ITGA1: variants seen among roughly 807,000 people sequenced by gnomAD.
ITGA1 encodes the protein integrin alpha-1.
ITGA1 carries 85 observed loss-of-function variants against 145.9 expected under a neutral mutation model. That is an observed-to-expected ratio of 0.58 (90% confidence interval 0.49 to 0.70). The LOEUF is 0.70. Ranked by LOEUF, ITGA1 falls within the 30% of genes least tolerant of loss-of-function variation. ITGA1 has a pLI of 0.00. For missense variants in ITGA1, 1,351 were observed against 1,418.7 expected (o/e 0.95, Z 0.77); for synonymous variants, 520 against 495.3 (o/e 1.05, Z -0.66).
At chr5:52,867,733 AACCTCAATTT>A (rs1461613318) in intron 6 of ITGA1, among the ~76,000 whole-genome samples, 1 of 152,014 alleles carries the variant, frequency 6.6e-6, no homozygotes, top group East Asian at 1.9e-4. Context: ...TTTGGCCCCC[AACCTCAATTT>A]ATGAAGGAGA....
intron 12 of ITGA1, among the ~76,000 whole-genome samples, chr5:52,907,021 A>T (rs1401714979): frequency 6.6e-6 from 1 of 152,170 alleles, no homozygotes; most frequent in Non-Finnish European, 1.5e-5. Context: ...AAAATATGTC[A>T]TCTTCATCAG....
intron 11 of ITGA1, among the ~76,000 whole-genome samples, chr5:52,899,709 A>T (rs1421027614): frequency 6.6e-6 from 1 of 152,226 alleles, no homozygotes; most frequent in Non-Finnish European, 1.5e-5. Context: ...TTAGAAAACA[A>T]AGTGTGCATT....
chr5:52,908,775 CTTTCA>C, intron 12 of ITGA1, 118 bp from the exon 13 acceptor site: 1 of 1,012,582 alleles, frequency 9.9e-7, no homozygotes. Flanking sequence ...CAATTTTTAT[CTTTCA>C]TTTCCTTTGC....
chr5:52,885,190 T>C (rs1750028431), intron 7 of ITGA1, among the ~76,000 whole-genome samples: 1 of 152,130 alleles, frequency 6.6e-6, no homozygotes, highest in African/African-American at 2.4e-5. Flanking sequence ...CTGGAAACTT[T>C]CTGAACCCCG....
At chr5:52,866,242 C>T (rs868016027) in intron 6 of ITGA1, among the ~76,000 whole-genome samples, 1 of 152,224 alleles carries the variant, frequency 6.6e-6, no homozygotes, top group South Asian at 2.1e-4. Flanking sequence ...TCTCAAACTC[C>T]TAGCCTCTGG....
At chr5:52,950,405 A>G (rs145414038) in intron 28 of ITGA1, among the ~76,000 whole-genome samples, 1 of 152,312 alleles carries the variant, frequency 6.6e-6, no homozygotes, top group East Asian at 1.9e-4. Flanking sequence ...GAATTTATTC[A>G]TTCAGCAATT....
intron 1 of ITGA1, among the ~76,000 whole-genome samples, chr5:52,813,417 A>G (rs2111689447): frequency 6.6e-6 from 1 of 152,344 alleles, no homozygotes; most frequent in South Asian, 2.1e-4. Flanking sequence ...AACAGACTAC[A>G]ATTATCTTAC....
chr5:52,819,454 AGTGTCT>A (rs1748832293), intron 1 of ITGA1, among the ~76,000 whole-genome samples: 1 of 152,170 alleles, frequency 6.6e-6, no homozygotes, highest in Admixed American at 6.5e-5. Context: ...TCTTTTGAGA[AGTGTCT>A]GTTCATATCC....
At chr5:52,834,364 G>T (rs572392849) in intron 1 of ITGA1, among the ~76,000 whole-genome samples, 2 of 152,042 alleles carry the variant, frequency 1.3e-5, no homozygotes, top group South Asian at 2.1e-4. Context: ...TTCCCTTCCT[G>T]TCTTGTAAAT....
intron 6 of ITGA1, among the ~76,000 whole-genome samples, chr5:52,870,646 T>C (rs1291713767): frequency 6.6e-6 from 1 of 152,162 alleles, no homozygotes; most frequent in Non-Finnish European, 1.5e-5. Flanking sequence ...GGAGCAGAGG[T>C]CACTGCACTG....
intron 2 of ITGA1, among the ~76,000 whole-genome samples, chr5:52,857,216 C>T (rs1393247037): frequency 6.6e-6 from 1 of 152,074 alleles, no homozygotes; most frequent in African/African-American, 2.4e-5. Flanking sequence ...TCCAAACCAT[C>T]GACCACCCTT....
At position 52,952,687 on chromosome 5, in the gene ITGA1, C is replaced by A; in HGVS notation, c.*236C>A. 4.5e-6 allele frequency: 1 copy of A among 219,958 alleles called. No individual in the cohort carries two copies. The highest frequency in any genetic ancestry group is 9.1e-6 in the Non-Finnish European group (1 of 109,644). 13.6% of individuals were successfully genotyped at this position (219,958 alleles called of 1,614,324 possible). ...TAATTACTCATTTTTGTTGAGTAAG[C>A]AAAATTACAAAGTGTTTTTAAAAAA... is the stretch of plus-strand genomic sequence containing the variant. On this transcript the variant is annotated 3_prime_UTR_variant, in exon 29 of 29. Coordinates refer to ENST00000282588, the MANE Select transcript of ITGA1 (RefSeq NM_181501.2).
At chr5:52,888,101 G>A (rs1338558330) in intron 8 of ITGA1, 136 bp downstream of exon 8, 1 of 803,714 alleles carries the variant, frequency 1.2e-6, no homozygotes, top group African/African-American at 1.7e-5. Context: ...AGCCCTGGGA[G>A]GACAGACTTG....
chr5:52,852,834 A>G (rs922741013), intron 2 of ITGA1, among the ~76,000 whole-genome samples: 2 of 152,180 alleles, frequency 1.3e-5, no homozygotes, highest in Admixed American at 1.3e-4. Context: ...GAACAACTAA[A>G]TCTAGTTTAA....
chr5:52,814,586 A>T (rs1748735536), intron 1 of ITGA1, among the ~76,000 whole-genome samples: 1 of 152,168 alleles, frequency 6.6e-6, no homozygotes, highest in African/African-American at 2.4e-5. Context: ...GTAATACAAA[A>T]TTATTTTTCC....
At chr5:52,858,468 A>C (rs564776327) in intron 2 of ITGA1, among the ~76,000 whole-genome samples, 28 of 152,360 alleles carry the variant, frequency 1.8e-4, no homozygotes, top group African/African-American at 6.5e-4. Flanking sequence ...AGTTATAAGC[A>C]AACTAAAAAT....
rs921975605 is a variant in ITGA1, at chr5:52,827,599, T to C, written c.62-21766T>C. Among the ~76,000 whole-genome samples, 17 of 152,170 alleles carry C rather than the reference T, an allele frequency of 1.1e-4. 1 individual carries two copies. Among genetic ancestry groups the C allele is most frequent in the African/African-American group, 3.1e-4 (13 of 41,450 alleles). Reference sequence around the variant, plus strand: ...AATTGCATGCTACAGAGAAATATTTTGTAAAATGAAGAGTCAATTGATGTG... The same window carrying C: ...AATTGCATGCTACAGAGAAATATTTCGTAAAATGAAGAGTCAATTGATGTG... On this transcript the variant is annotated intron_variant, in intron 1 of 28. Transcript: ENST00000282588.
chr5:52,884,490 T>G (rs547925744), intron 7 of ITGA1, among the ~76,000 whole-genome samples: 48 of 151,476 alleles, frequency 3.2e-4, no homozygotes, highest in African/African-American at 1.0e-3. Context: ...TATAGTATGT[T>G]AAAAATTATT....
chr5:52,806,120 C>T (rs1372916955), intron 1 of ITGA1, among the ~76,000 whole-genome samples: 22 of 151,996 alleles, frequency 1.4e-4, no homozygotes. Flanking sequence ...AGTTTATATA[C>T]TCTAAGAGAT....
Sources: gnomAD v4.1 joint callset for allele counts (sites outside exome capture counted in the v4.1 genomes callset) on GRCh38, gnomAD v4.1.1 for gene constraint, MANE v1.5 for transcripts, NCBI Gene and HGNC (gene_info 2026-07-23, HGNC 2026-07-21) for gene names.